PPP1R16B: variants seen among roughly 807,000 people sequenced by gnomAD.
The protein encoded by PPP1R16B is protein phosphatase 1 regulatory subunit 16B.
In PPP1R16B, 14 loss-of-function variants were observed where a neutral mutation model predicts 61.7. The ratio of observed to expected loss-of-function variants is 0.23; its 90% CI spans 0.15 to 0.35. The LOEUF (loss-of-function observed/expected upper bound fraction) is 0.35, where lower values mean the gene tolerates loss of function less well. Ranked by LOEUF, PPP1R16B falls within the 10% of genes least tolerant of loss-of-function variation. The pLI, the probability that PPP1R16B is intolerant of heterozygous loss-of-function variation, is 1.00. For missense variants in PPP1R16B, 547 were observed against 752.5 expected (o/e 0.73, Z 3.19); for synonymous variants, 266 against 305.3 (o/e 0.87, Z 1.34).
Position 38,806,205 on chromosome 20 carries a change from C to A in PPP1R16B, c.-102+413C>A, listed in dbSNP as rs1173033207. ...GAGCCACAGCGGACACCAAACAACC[C>A]CCCCCCGCGCACTCTCCCGGCCGGG... On this transcript the variant is annotated intron_variant, in intron 1 of 10. Transcript: ENST00000299824. The surrounding 1 kb of genome is among the most constrained non-coding windows in gnomAD (Gnocchi z 4.5). 1.3e-5 allele frequency among the ~76,000 whole-genome samples: 2 copies of A among 152,074 alleles called. No individual in the cohort carries two copies. Among genetic ancestry groups the A allele is most frequent in the Non-Finnish European group, 2.9e-5 (2 of 67,972 alleles).
At chr20:38,869,916 T>C (rs1300666955) in intron 2 of PPP1R16B, among the ~76,000 whole-genome samples, 1 of 150,912 alleles carries the variant, frequency 6.6e-6, no homozygotes, top group Non-Finnish European at 1.5e-5. Flanking sequence ...AGCAAAAATT[T>C]TATTTATTTA....
In PPP1R16B at chr20:38,921,249, C is replaced by T. The variant is rs140846616; in HGVS notation, c.*2583C>T. The T allele has an allele frequency of 2.7e-3, 407 of 152,332 alleles. 1 individual carries two copies. The highest frequency in any genetic ancestry group is 9.3e-3 in the African/African-American group (386 of 41,566). The allele number at this position is 152,332 out of a possible 1,614,324, so 9.4% of individuals were successfully genotyped here. A position where few individuals can be genotyped will look rare whatever the true frequency, so the allele number is the denominator to read the frequency against. On this transcript the variant is annotated 3_prime_UTR_variant, in exon 11 of 11. Coordinates refer to ENST00000299824, the MANE Select transcript of PPP1R16B (RefSeq NM_015568.4). ...CCTGGGGAGCTTTCCCTGTAGGTCTCCTGGGTGTTGAGAGACAAGTTGGAG... is the reference window on the plus strand; with the variant it reads ...CCTGGGGAGCTTTCCCTGTAGGTCTTCTGGGTGTTGAGAGACAAGTTGGAG...
intron 6 of PPP1R16B, 33 bp downstream of exon 6, chr20:38,902,825 C>G: frequency 6.2e-7 from 1 of 1,613,486 alleles, no homozygotes; most frequent in South Asian, 1.1e-5. Context: ...AAACCAAGAC[C>G]AGCTAGGTCC....
At chr20:38,906,711 C>T (rs527372434) in intron 7 of PPP1R16B, among the ~76,000 whole-genome samples, 1 of 152,216 alleles carries the variant, frequency 6.6e-6, no homozygotes, top group Admixed American at 6.5e-5. Context: ...ACACCTAGTC[C>T]CTCCTTAGAT....
intron 2 of PPP1R16B, among the ~76,000 whole-genome samples, chr20:38,865,371 G>A (rs1462159911): frequency 6.6e-6 from 1 of 151,060 alleles, no homozygotes; most frequent in Non-Finnish European, 1.5e-5. Context: ...CTCACTGCGA[G>A]CTCCGCCTCC....
intron 2 of PPP1R16B, among the ~76,000 whole-genome samples, chr20:38,883,163 C>T (rs1432370011): frequency 6.6e-6 from 1 of 152,218 alleles, no homozygotes; most frequent in Non-Finnish European, 1.5e-5. Context: ...AGCTCAGCCC[C>T]AGGGCACCCC....
chr20:38,833,899 A>G (rs2084853004), intron 1 of PPP1R16B, among the ~76,000 whole-genome samples: 1 of 152,214 alleles, frequency 6.6e-6, no homozygotes, highest in South Asian at 2.1e-4. Flanking sequence ...GCTTCTGTAG[A>G]AAGGGCTTTT....
chr20:38,900,662 C>G lies in PPP1R16B; in HGVS notation c.549C>G (p.Ile183Met). Residue 183 changes from isoleucine to methionine, a missense_variant, in exon 5 of 11, where the codon ATC (isoleucine) becomes ATG (methionine). Transcript: ENST00000299824. ...AGGATGAACCCACCCTGGATGTCAT[C>G]GAGACCTGCATGGCATACCAGGGTA... is the stretch of plus-strand genomic sequence containing the variant. Reference protein sequence around the residue: ...LCEDEPTLDVIETCMAYQGIT... With the variant: ...LCEDEPTLDVMETCMAYQGIT... 6.3e-7 allele frequency: 1 copy of G among 1,592,004 alleles called. No individual in the cohort carries two copies. Among genetic ancestry groups the G allele is most frequent in the Non-Finnish European group, 8.5e-7 (1 of 1,171,224 alleles).
chr20:38,869,196 T>G (rs1360292040), intron 2 of PPP1R16B, among the ~76,000 whole-genome samples: 1 of 152,134 alleles, frequency 6.6e-6, no homozygotes, highest in African/African-American at 2.4e-5. Flanking sequence ...TCTTGACGTG[T>G]CACCCAGGCT....
intron 1 of PPP1R16B, among the ~76,000 whole-genome samples, chr20:38,823,396 T>C (rs1162662353): frequency 6.6e-6 from 1 of 152,168 alleles, no homozygotes; most frequent in Non-Finnish European, 1.5e-5. Flanking sequence ...ATCCCAGCAC[T>C]TTGGGAGGCC....
rs540860416 is a variant in PPP1R16B at position 38,852,045 on chromosome 20, C to CG, written c.250+15878dup. Among the ~76,000 whole-genome samples, 1,255 of 149,618 alleles carry CG rather than the reference C, an allele frequency of 8.4e-3. 4 individuals carry two copies. The highest frequency in any genetic ancestry group is 0.014 in the Middle Eastern group (4 of 294). On this transcript the variant is annotated intron_variant, in intron 2 of 10. Transcript: ENST00000299824. Reference sequence around the variant, plus strand: ...AAGGCCCTGTATCTCGCGGGGACGGCGGGGGGGGAAGGCCTTGTCAAGAAC... The same window carrying CG: ...AAGGCCCTGTATCTCGCGGGGACGGCGGGGGGGGGAAGGCCTTGTCAAGAAC...
Position 38,832,309 on chromosome 20 carries a change from G to A in PPP1R16B, c.-101-3516G>A, listed in dbSNP as rs374590330. ...CAGAAGGCAGAGGTGGTCCGCATCCGTCTCTGAATCAGGGCTCGTCACAGA... is the reference window on the plus strand; with the variant it reads ...CAGAAGGCAGAGGTGGTCCGCATCCATCTCTGAATCAGGGCTCGTCACAGA... On this transcript the variant is annotated intron_variant, in intron 1 of 10. Transcript: ENST00000299824. Among the ~76,000 whole-genome samples the A allele has an allele frequency of 1.4e-4, 21 of 152,304 alleles. No homozygotes were observed. The East Asian group carries it at 1.9e-3, about 14-fold the overall frequency.
chr20:38,885,237 A>G lies in PPP1R16B; in HGVS notation c.251-4358A>G, dbSNP rs989932688. Reference sequence around the variant, plus strand: ...AAAAGAAGAAGAAGAAGAAAAGAGCAGAATGGAGCCACGAGAAGGTTTTAA... The same window carrying G: ...AAAAGAAGAAGAAGAAGAAAAGAGCGGAATGGAGCCACGAGAAGGTTTTAA... On this transcript the variant is annotated intron_variant, in intron 2 of 10. Transcript: ENST00000299824. Among the ~76,000 whole-genome samples, 3 of 152,024 alleles carry G rather than the reference A, an allele frequency of 2.0e-5. No homozygotes were observed. The East Asian group carries it at 5.8e-4, about 29-fold the overall frequency.
intron 1 of PPP1R16B, among the ~76,000 whole-genome samples, chr20:38,827,792 G>GA (rs11086737): frequency 1.8e-4 from 27 of 151,488 alleles, no homozygotes; most frequent in South Asian, 8.4e-4. Flanking sequence ...CTTTATGCTG[G>GA]AAAAAAAAAA....
At chr20:38,839,235 T>C (rs1206847810) in intron 2 of PPP1R16B, among the ~76,000 whole-genome samples, 1 of 152,186 alleles carries the variant, frequency 6.6e-6, no homozygotes, top group East Asian at 1.9e-4. Flanking sequence ...AGTTTTTTAA[T>C]CTGTAAAATC....
At chr20:38,813,840 AG>A (rs953616852) in intron 1 of PPP1R16B, among the ~76,000 whole-genome samples, 42 of 151,184 alleles carry the variant, frequency 2.8e-4, no homozygotes, top group African/African-American at 9.9e-4. Flanking sequence ...TCTGTCGTCC[AG>A]GCTGGAGGGC....
At chr20:38,853,594 G>A (rs2084983415) in intron 2 of PPP1R16B, among the ~76,000 whole-genome samples, 1 of 152,202 alleles carries the variant, frequency 6.6e-6, no homozygotes, top group Non-Finnish European at 1.5e-5. Flanking sequence ...TCAGTGTCAA[G>A]AGCTAGACTG....
intron 1 of PPP1R16B, among the ~76,000 whole-genome samples, chr20:38,810,660 A>G (rs759540214): frequency 4.6e-5 from 7 of 152,322 alleles, no homozygotes; most frequent in South Asian, 4.1e-4. Flanking sequence ...CTGATTGATC[A>G]TGATATAGCA....
At chr20:38,902,571 T>G in intron 5 of PPP1R16B, 97 bp from the exon 6 acceptor site, 1 of 1,525,742 alleles carries the variant, frequency 6.6e-7, no homozygotes, top group Non-Finnish European at 9.0e-7. Context: ...TGGCATATCC[T>G]AGGGAACAAG....
Sources: gnomAD v4.1 joint callset for allele counts (sites outside exome capture counted in the v4.1 genomes callset) on GRCh38, gnomAD v4.1.1 for gene constraint, Gnocchi (gnomAD v3.1) non-coding constraint, MANE v1.5 for transcripts, NCBI Gene and HGNC (gene_info 2026-07-23, HGNC 2026-07-21) for gene names.